Variants in ABHD2 observed in about 807,000 individuals in gnomAD.
The protein encoded by ABHD2 is monoacylglycerol lipase ABHD2.
In ABHD2, 20 loss-of-function variants were observed where a neutral mutation model predicts 48.1. The ratio of observed to expected loss-of-function variants is 0.42; its 90% CI spans 0.29 to 0.60. The LOEUF is 0.60. Among genes scored for constraint, ABHD2 ranks in the 20% least tolerant of loss-of-function variants. The probability of loss-of-function intolerance (pLI) is 0.24; values close to 1 mark genes in which losing one functional copy is unlikely to be tolerated. For synonymous variants in ABHD2, 209 were observed against 214.2 expected (o/e 0.98, Z 0.21); for missense variants, 405 against 550.9 (o/e 0.74, Z 2.65).
chr15:89,107,238 T>C (rs541678629), intron 1 of ABHD2, among the ~76,000 whole-genome samples: 42 of 152,328 alleles, frequency 2.8e-4, no homozygotes, highest in African/African-American at 1.0e-3. Flanking sequence ...TGGAACTGTT[T>C]ATGGGACATG....
rs2150961313 is a variant in ABHD2, at chr15:89,197,839, AGT to A, written c.*2422_*2423del. On this transcript the variant is annotated 3_prime_UTR_variant, in exon 11 of 11. Transcript: ENST00000352732. The surrounding 1 kb of genome is among the most constrained non-coding windows in gnomAD (Gnocchi z 4.4). ...CCAGTGTCCCAGCTGAAATCTTTTTAGTGTGTGGCTCTGAATGGCACTCACAT... is the reference window on the plus strand; with the variant it reads ...CCAGTGTCCCAGCTGAAATCTTTTTAGTGTGGCTCTGAATGGCACTCACAT... 6.6e-6 allele frequency: 1 copy of A among 152,300 alleles called. No homozygotes were observed. The highest frequency in any genetic ancestry group is 1.9e-4 in the East Asian group (1 of 5,168). 9.4% of individuals were successfully genotyped at this position (152,300 alleles called of 1,614,324 possible). A position where few individuals can be genotyped will look rare whatever the true frequency, so the allele number is the denominator to read the frequency against.
chr15:89,155,364 T>C lies in ABHD2; in HGVS notation c.371-3T>C, dbSNP rs113751428. The C allele has an allele frequency of 2.9e-5, 47 of 1,613,738 alleles. No homozygotes were observed. The African/African-American group carries it at 4.5e-4, about 16-fold the overall frequency. ...CATCAGGATCTCTTTCTCTACGCTATAGATGATATCACCATGGTCATCTGC... is the reference window on the plus strand; with the variant it reads ...CATCAGGATCTCTTTCTCTACGCTACAGATGATATCACCATGGTCATCTGC... On this transcript the variant is annotated splice_polypyrimidine_tract_variant and splice_region_variant and intron_variant, in intron 4 of 10. Coordinates refer to ENST00000352732, the MANE Select transcript of ABHD2 (RefSeq NM_152924.5). This position sits in a 1 kb window ranked among gnomAD's most constrained non-coding sequence, Gnocchi z 4.9.
At chr15:89,133,908 C>T (rs932620189) in intron 3 of ABHD2, among the ~76,000 whole-genome samples, 1 of 148,710 alleles carries the variant, frequency 6.7e-6, no homozygotes, top group Non-Finnish European at 1.5e-5. Flanking sequence ...GTGATCTCGG[C>T]TCACTGCAAG....
intron 3 of ABHD2, among the ~76,000 whole-genome samples, chr15:89,123,830 A>C (rs2050091459): frequency 6.6e-6 from 1 of 152,072 alleles, no homozygotes; most frequent in Non-Finnish European, 1.5e-5. Flanking sequence ...AGCTGGTCTT[A>C]AACCCCTGGG....
intron 1 of ABHD2, among the ~76,000 whole-genome samples, chr15:89,095,146 C>T (rs985183297): frequency 2.0e-5 from 3 of 151,042 alleles, no homozygotes; most frequent in Non-Finnish European, 4.4e-5. Context: ...CACCTTCTAA[C>T]CAGGACATAT....
At chr15:89,061,005 A>G in the ABHD2 span, among the ~76,000 whole-genome samples, 1 of 152,120 alleles carries the variant, frequency 6.6e-6, no homozygotes, top group Non-Finnish European at 1.5e-5. Flanking sequence ...CAAATACCAC[A>G]TGTTCTCAGT....
chr15:89,157,940 C>G (rs946922311), intron 5 of ABHD2, among the ~76,000 whole-genome samples: 1 of 151,710 alleles, frequency 6.6e-6, no homozygotes, highest in Admixed American at 6.6e-5. Flanking sequence ...AGAATTGGAC[C>G]CAAAAGTCAG....
rs1215817210 is a variant in ABHD2, at chr15:89,097,292, T to G, written c.-107+8729T>G. On this transcript the variant is annotated intron_variant, in intron 1 of 10. Coordinates refer to ENST00000352732, the MANE Select transcript of ABHD2 (RefSeq NM_152924.5). The surrounding 1 kb of genome is among the most constrained non-coding windows in gnomAD (Gnocchi z 4.2). ...ATTTTGAAATAGATCCCAAACATCA[T>G]ATAGTTGCATCTGTAAATATTTCCA... Among the ~76,000 whole-genome samples, 5 of 152,360 alleles carry G rather than the reference T, an allele frequency of 3.3e-5. No homozygotes were observed. The highest frequency in any genetic ancestry group is 1.2e-4 in the African/African-American group (5 of 41,584).
intron 3 of ABHD2, among the ~76,000 whole-genome samples, chr15:89,138,833 A>T (rs2050356712): frequency 6.6e-6 from 1 of 151,764 alleles, no homozygotes; most frequent in African/African-American, 2.4e-5. Flanking sequence ...ACTGAATCAG[A>T]GACCTGTCCT....
intron 4 of ABHD2, among the ~76,000 whole-genome samples, chr15:89,153,675 A>T (rs936606108): frequency 5.3e-5 from 8 of 152,132 alleles, no homozygotes; most frequent in Admixed American, 5.2e-4. Flanking sequence ...GCTCTTTTTC[A>T]CCTTTTCTGA....
chr15:89,201,858 G>A lies in ABHD2; in HGVS notation c.*6435G>A, dbSNP rs2051469356. On this transcript the variant is annotated 3_prime_UTR_variant, in exon 11 of 11. Coordinates refer to ENST00000352732, the MANE Select transcript of ABHD2 (RefSeq NM_152924.5). ...TGCTCGCTGGGGGCGGGGGACGATG[G>A]CGAGAGGGGAGGGGGAGCGAGTTCG... The A allele has an allele frequency of 7.0e-6, 6 of 852,228 alleles. No homozygotes were observed. Among genetic ancestry groups the A allele is most frequent in the Admixed American group, 4.1e-5 (2 of 48,620 alleles). The allele number at this position is 852,228 out of a possible 1,614,324, so 52.8% of individuals were successfully genotyped here. A position where few individuals can be genotyped will look rare whatever the true frequency, so the allele number is the denominator to read the frequency against.
At chr15:89,084,243 G>A (rs1015468974), upstream of ABHD2, among the ~76,000 whole-genome samples, 1 of 151,138 alleles carries the variant, frequency 6.6e-6, no homozygotes, top group African/African-American at 2.4e-5. The surrounding 1 kb of genome is among the most constrained non-coding windows in gnomAD (Gnocchi z 4.4). Flanking sequence ...TGCATGTGTT[G>A]GAGAGTGTGT....
chr15:89,164,407 TG>T lies in ABHD2; in HGVS notation c.538+8874del, dbSNP rs140810257. Among the ~76,000 whole-genome samples the T allele has an allele frequency of 2.5e-3, 381 of 152,310 alleles. 1 individual carries two copies. Among genetic ancestry groups the T allele is most frequent in the African/African-American group, 8.7e-3 (363 of 41,578 alleles). On this transcript the variant is annotated intron_variant, in intron 5 of 10. Coordinates refer to ENST00000352732, the MANE Select transcript of ABHD2 (RefSeq NM_152924.5). This position sits in a 1 kb window ranked among gnomAD's most constrained non-coding sequence, Gnocchi z 5.0. ...TAGAGAGAGATGGTCAGGAAAGGCC[TG>T]CAGCGGGAGAGAACCTGTGCTTTAT...
At chr15:89,070,461 T>C in the ABHD2 span, among the ~76,000 whole-genome samples, 1 of 152,200 alleles carries the variant, frequency 6.6e-6, no homozygotes, top group East Asian at 1.9e-4. Context: ...CAAGATCTCA[T>C]GGTAGTTCCT....
intron 1 of ABHD2, among the ~76,000 whole-genome samples, chr15:89,093,203 A>G (rs1251119017): frequency 8.7e-6 from 1 of 115,262 alleles, no homozygotes; most frequent in Admixed American, 1.2e-4. Flanking sequence ...TTTTTGAGAC[A>G]GAGTCTCACT....
At chr15:89,082,041 A>C in the ABHD2 span, among the ~76,000 whole-genome samples, 2 of 152,000 alleles carry the variant, frequency 1.3e-5, no homozygotes, top group African/African-American at 4.8e-5. This position sits in a 1 kb window ranked among gnomAD's most constrained non-coding sequence, Gnocchi z 4.4. Context: ...TGGGCACTGG[A>C]GGGTGGTTAG....
intron 1 of ABHD2, among the ~76,000 whole-genome samples, chr15:89,093,052 TTC>T (rs1901658307): frequency 6.6e-6 from 1 of 151,546 alleles, no homozygotes; most frequent in Non-Finnish European, 1.5e-5. Flanking sequence ...TGGGCCCTTC[TTC>T]GCCTTGCCGT....
chr15:89,148,728 T>C (rs1004968493), intron 3 of ABHD2, among the ~76,000 whole-genome samples: 5 of 152,116 alleles, frequency 3.3e-5, no homozygotes, highest in African/African-American at 1.2e-4. Flanking sequence ...CCAGTCCAGA[T>C]CACAAGGAGG....
In ABHD2 at chr15:89,201,949, ATT is replaced by A; in HGVS notation, c.*6527_*6528del. ...CTTATGTTGGCAGATCTGCTTCCAGATTGATTTTTAGAGCACCATCACTTTCA... is the reference window on the plus strand; with the variant it reads ...CTTATGTTGGCAGATCTGCTTCCAGAGATTTTTAGAGCACCATCACTTTCA... On this transcript the variant is annotated 3_prime_UTR_variant, in exon 11 of 11. Coordinates refer to ENST00000352732, the MANE Select transcript of ABHD2 (RefSeq NM_152924.5). The A allele has an allele frequency of 1.4e-5, 7 of 504,954 alleles. No homozygotes were observed. The highest frequency in any genetic ancestry group is 3.8e-5 in the Admixed American group (1 of 26,422). The allele number at this position is 504,954 out of a possible 1,614,324, so 31.3% of individuals were successfully genotyped here.
Sources: allele counts gnomAD v4.1 joint callset (sites outside exome capture counted in the v4.1 genomes callset), GRCh38; gene constraint gnomAD v4.1.1; non-coding constraint Gnocchi (gnomAD v3.1); transcripts MANE v1.5; gene names NCBI Gene and HGNC (gene_info 2026-07-23, HGNC 2026-07-21).